The following ABCA13 variants were observed in gnomAD, a reference collection of about 807,000 sequenced individuals.
ABCA13 encodes the protein ATP-binding cassette sub-family A member 13.
Under a neutral mutation model 478.7 loss-of-function variants are expected in ABCA13, and 476 were observed. The ratio of observed to expected loss-of-function variants is 0.99; its 90% CI spans 0.92 to 1.07. The LOEUF (loss-of-function observed/expected upper bound fraction) is 1.07. Ranked by LOEUF, ABCA13 falls within the 50% of genes least tolerant of loss-of-function variation. The pLI is 0.00. For missense variants in ABCA13, 6,060 were observed against 5,910.6 expected (o/e 1.03, Z -0.83); for synonymous variants, 2,252 against 2,158.9 (o/e 1.04, Z -1.20).
chr7:48,552,183 A>C (rs560271352), intron 55 of ABCA13, among the ~76,000 whole-genome samples: 1 of 151,888 alleles, frequency 6.6e-6, no homozygotes, highest in African/African-American at 2.4e-5. Flanking sequence ...GGGCCTTAAA[A>C]AAAAAGTTAC....
At chr7:48,483,350 G>A (rs1178600918) in intron 47 of ABCA13, among the ~76,000 whole-genome samples, 187 bp downstream of exon 47, 4 of 152,082 alleles carry the variant, frequency 2.6e-5, no homozygotes, top group Non-Finnish European at 4.4e-5. Context: ...TTTAGAAATC[G>A]AGGAAATAGG....
rs183731366 is a variant in ABCA13 at position 48,261,348 on chromosome 7, G to T, written c.2006-7632G>T. ...TTTCCTTCTCACTGATAAACTTTACGTTTCTTTTTTAGTCCAAATATTCTG... is the reference window on the plus strand; with the variant it reads ...TTTCCTTCTCACTGATAAACTTTACTTTTCTTTTTTAGTCCAAATATTCTG... On this transcript the variant is annotated intron_variant, in intron 15 of 61. Transcript: ENST00000435803. Among the ~76,000 whole-genome samples the T allele has an allele frequency of 7.6e-3, 1,146 of 151,776 alleles. 10 individuals are homozygous for T. The highest frequency in any genetic ancestry group is 0.026 in the African/African-American group (1,081 of 41,456).
intron 56 of ABCA13, among the ~76,000 whole-genome samples, chr7:48,581,716 TAA>T (rs1788727841): frequency 6.6e-6 from 1 of 152,242 alleles, no homozygotes; most frequent in African/African-American, 2.4e-5. Context: ...GTTCTACCAA[TAA>T]AAGTTATTTA....
chr7:48,256,825 T>A (rs1047909628), intron 15 of ABCA13, among the ~76,000 whole-genome samples: 1 of 152,216 alleles, frequency 6.6e-6, no homozygotes, highest in African/African-American at 2.4e-5. Flanking sequence ...ATATGAATTT[T>A]AAAATAGTTT....
intron 42 of ABCA13, among the ~76,000 whole-genome samples, chr7:48,435,253 C>T (rs1209329678): frequency 6.6e-6 from 1 of 151,570 alleles, no homozygotes; most frequent in Non-Finnish European, 1.5e-5. Flanking sequence ...GTATTTTATT[C>T]TCTTTTATGT....
chr7:48,171,688 A>C, intron 1 of ABCA13, 136 bp downstream of exon 1: 1 of 983,822 alleles, frequency 1.0e-6, no homozygotes, highest in Non-Finnish European at 1.5e-6. Flanking sequence ...AGGTTGGATT[A>C]TTTTAAATCA....
intron 7 of ABCA13, among the ~76,000 whole-genome samples, chr7:48,231,953 C>T (rs573861577): frequency 4.6e-5 from 7 of 152,132 alleles, no homozygotes; most frequent in African/African-American, 1.4e-4. Context: ...TGAGCCACTG[C>T]GCCCAACCCT....
chr7:48,450,212 G>T (rs1824820335), intron 42 of ABCA13, among the ~76,000 whole-genome samples: 1 of 152,116 alleles, frequency 6.6e-6, no homozygotes, highest in Admixed American at 6.5e-5. Flanking sequence ...ATCTACATTA[G>T]TTCAGAGAGC....
At chr7:48,344,417 C>A (rs1448435948) in intron 29 of ABCA13, among the ~76,000 whole-genome samples, 2 of 152,162 alleles carry the variant, frequency 1.3e-5, no homozygotes, top group African/African-American at 4.8e-5. Flanking sequence ...ATCCTCTGGT[C>A]TGTTTTGGCT....
At chr7:48,453,428 A>G (rs565125159) in intron 42 of ABCA13, among the ~76,000 whole-genome samples, 1 of 152,314 alleles carries the variant, frequency 6.6e-6, no homozygotes, top group South Asian at 2.1e-4. Context: ...ACTCAGCCCA[A>G]GTGACTACTG....
chr7:48,196,399 C>G (rs1214334754), intron 2 of ABCA13, among the ~76,000 whole-genome samples: 1 of 152,142 alleles, frequency 6.6e-6, no homozygotes, highest in Non-Finnish European at 1.5e-5. Context: ...CAAAATTGAT[C>G]AAGGACTGCA....
intron 55 of ABCA13, among the ~76,000 whole-genome samples, chr7:48,563,303 T>C (rs1243336508): frequency 6.6e-6 from 1 of 152,166 alleles, no homozygotes; most frequent in African/African-American, 2.4e-5. Context: ...TAATTGGTCA[T>C]TGTTTGCTCA....
At chr7:48,227,125 A>C in intron 5 of ABCA13, 137 bp from the exon 6 acceptor site, 1 of 780,398 alleles carries the variant, frequency 1.3e-6, no homozygotes, top group Non-Finnish European at 2.1e-6. Context: ...AATCTGTTCA[A>C]TGTAGTGATA....
intron 59 of ABCA13, among the ~76,000 whole-genome samples, chr7:48,631,737 T>G (rs1449373452): frequency 6.6e-6 from 1 of 152,186 alleles, no homozygotes; most frequent in Non-Finnish European, 1.5e-5. Flanking sequence ...GGAATTACAT[T>G]GAATCTGTAG....
At chr7:48,418,013 A>G (rs1820261322) in intron 41 of ABCA13, among the ~76,000 whole-genome samples, 1 of 152,202 alleles carries the variant, frequency 6.6e-6, no homozygotes, top group Non-Finnish European at 1.5e-5. Context: ...ATGGCTTGAT[A>G]GCTTATTTCA....
At chr7:48,508,744 G>A (rs899860656) in intron 50 of ABCA13, among the ~76,000 whole-genome samples, 4 of 152,142 alleles carry the variant, frequency 2.6e-5, no homozygotes, top group African/African-American at 9.7e-5. Flanking sequence ...ACATAAGTCA[G>A]TGGAAGGCCG....
chr7:48,320,174 C>T (rs1284301921), intron 27 of ABCA13, among the ~76,000 whole-genome samples: 2 of 152,180 alleles, frequency 1.3e-5, no homozygotes, highest in African/African-American at 4.8e-5. Context: ...CAATGCCAGA[C>T]AATTCAACCC....
At position 48,455,098 on chromosome 7, in the gene ABCA13, C is replaced by T; in HGVS notation, c.12627C>T (p.Ala4209=). ...QGVQLLRAQV[A]AILARRLRRT... is the part of the protein sequence containing the mutation. ...TCCAGCTGCTCCGCGCACAAGTGGC[C>T]GCGATCCTGGCCCGGAGGCTCCGCC... Residue 4209 remains alanine, a synonymous_variant, in exon 43 of 62, where the codon GCC becomes GCT. Transcript: ENST00000435803. 1 of 1,551,414 alleles carries T rather than the reference C, an allele frequency of 6.4e-7. No homozygotes were observed. The highest frequency in any genetic ancestry group is 2.4e-5 in the East Asian group (1 of 41,076).
chr7:48,644,548 T>C lies in ABCA13; in HGVS notation c.14944-69T>C, dbSNP rs1795310168. Reference sequence around the variant, plus strand: ...ACTGAATTTTTTTGCCAATTAAATGTAGTATGATCAATTTTGTTTAATAAT... The same window carrying C: ...ACTGAATTTTTTTGCCAATTAAATGCAGTATGATCAATTTTGTTTAATAAT... On this transcript the variant is annotated intron_variant, in intron 60 of 61. Coordinates refer to ENST00000435803, the MANE Select transcript of ABCA13 (RefSeq NM_152701.5). 5 of 1,485,176 alleles carry C rather than the reference T, an allele frequency of 3.4e-6. No individual in the cohort carries two copies. In the East Asian group the frequency reaches 7.1e-5, roughly 21 times the overall value. The allele number at this position is 1,485,176 out of a possible 1,614,324, so 92.0% of individuals were successfully genotyped here. A position where few individuals can be genotyped will look rare whatever the true frequency, so the allele number is the denominator to read the frequency against.
Sources: gnomAD v4.1 joint callset for allele counts (sites outside exome capture counted in the v4.1 genomes callset) on GRCh38, gnomAD v4.1.1 for gene constraint, MANE v1.5 for transcripts, NCBI Gene and HGNC (gene_info 2026-07-23, HGNC 2026-07-21) for gene names.